The following PUM1 variants were observed in gnomAD, a reference collection of about 807,000 sequenced individuals.
PUM1 encodes the protein pumilio RNA binding family member 1, also known as pumilio homolog 1.
PUM1 carries 13 observed loss-of-function variants against 131.8 expected under a neutral mutation model. The observed-to-expected ratio is 0.10, with a 90% CI of 0.06 to 0.16. The LOEUF (loss-of-function observed/expected upper bound fraction) is 0.16. Among genes scored for constraint, PUM1 ranks in the 10% least tolerant of loss-of-function variants. PUM1 has a pLI of 1.00. For missense variants in PUM1, 961 were observed against 1,512.4 expected (o/e 0.64, Z 6.05); for synonymous variants, 509 against 556.5 (o/e 0.91, Z 1.20).
chr1:31,062,159 C>T (rs762501405), intron 1 of PUM1, among the ~76,000 whole-genome samples: 5 of 152,210 alleles, frequency 3.3e-5, no homozygotes, highest in South Asian at 2.1e-4. Flanking sequence ...TTTCTACTAA[C>T]CCCTTGCAGG....
chr1:31,048,487 T>G (rs1644025399), intron 2 of PUM1, among the ~76,000 whole-genome samples: 1 of 151,278 alleles, frequency 6.6e-6, no homozygotes, highest in East Asian at 2.0e-4. Flanking sequence ...TTTTTATTTT[T>G]TTTTTGAGAT....
chr1:31,054,696 ACTTTAC>A, intron 2 of PUM1, among the ~76,000 whole-genome samples: 1 of 152,186 alleles, frequency 6.6e-6, no homozygotes, highest in South Asian at 2.1e-4. Flanking sequence ...AGAAAAATGG[ACTTTAC>A]CATTACTGCT....
Position 30,966,608 on chromosome 1 carries a change from T to A in PUM1, c.1790-330A>T, listed in dbSNP as rs549434235. On this transcript the variant is annotated intron_variant, in intron 12 of 21. Coordinates refer to ENST00000426105, the MANE Select transcript of PUM1 (RefSeq NM_001020658.2). ...TTCCATAAATATCTATGTTGAGGGT[T>A]TCTTCTAGAACCATGTAATGCACAT... is the stretch of plus-strand genomic sequence containing the variant. 5.9e-5 allele frequency among the ~76,000 whole-genome samples: 9 copies of A among 152,360 alleles called. No individual in the cohort carries two copies. In the East Asian group the frequency reaches 1.3e-3, roughly 23 times the overall value.
intron 2 of PUM1, among the ~76,000 whole-genome samples, chr1:31,042,031 C>T (rs1643834363): frequency 6.6e-6 from 1 of 151,924 alleles, no homozygotes. Flanking sequence ...TAGGCCAGGC[C>T]CAGTGGCTCA....
At chr1:30,974,895 G>A in intron 9 of PUM1, 93 bp from the exon 10 acceptor site, 5 of 917,526 alleles carry the variant, frequency 5.4e-6, no homozygotes, top group Non-Finnish European at 8.1e-6. Flanking sequence ...AGATCCTACT[G>A]TAAAATATTA....
At chr1:31,058,690 C>G (rs979472471) in intron 2 of PUM1, among the ~76,000 whole-genome samples, 1 of 145,074 alleles carries the variant, frequency 6.9e-6, no homozygotes, top group African/African-American at 2.6e-5. Flanking sequence ...ATTCTATAGG[C>G]CGGGCGTGGG....
chr1:30,953,378 C>T (rs78454766), intron 15 of PUM1, among the ~76,000 whole-genome samples: 310 of 152,292 alleles, frequency 2.0e-3, no homozygotes, highest in Non-Finnish European at 2.6e-3. Context: ...TTTCTTCTCT[C>T]GTCTCTACAT....
At chr1:30,961,954 G>A (rs1343227895) in intron 14 of PUM1, among the ~76,000 whole-genome samples, 5 of 152,102 alleles carry the variant, frequency 3.3e-5, no homozygotes, top group Non-Finnish European at 7.4e-5. Context: ...ATTAGGTGTG[G>A]GCCAGAAAGA....
chr1:31,055,427 C>G (rs1019247295), intron 2 of PUM1: 2 of 456,116 alleles, frequency 4.4e-6, no homozygotes, highest in African/African-American at 4.0e-5. Flanking sequence ...TAGAATAGTT[C>G]AGTCCAGAAG....
intron 10 of PUM1, among the ~76,000 whole-genome samples, chr1:30,974,441 C>T (rs941325033): frequency 3.5e-4 from 54 of 152,290 alleles, no homozygotes; most frequent in African/African-American, 1.2e-3. Context: ...TGGTTAGTAT[C>T]GTTACCCCAC....
chr1:31,009,183 CAA>C (rs946077936), intron 3 of PUM1, among the ~76,000 whole-genome samples: 10 of 131,276 alleles, frequency 7.6e-5, no homozygotes, highest in Admixed American at 7.7e-5. Context: ...ACTCCATCTT[CAA>C]AAAAAAAAAA....
intron 2 of PUM1, among the ~76,000 whole-genome samples, 171 bp from the exon 3 acceptor site, chr1:31,029,035 G>C (rs1643321192): frequency 6.6e-6 from 1 of 151,986 alleles, no homozygotes. Context: ...TAACCATCAG[G>C]GTTCAGCAAT....
At chr1:31,043,364 C>T (rs576141281) in intron 2 of PUM1, among the ~76,000 whole-genome samples, 19 of 151,652 alleles carry the variant, frequency 1.3e-4, no homozygotes, top group Middle Eastern at 3.4e-3. Flanking sequence ...CCATCATGTC[C>T]GGCTAATTTT....
Position 30,938,896 on chromosome 1 carries a change from TAGATAGATAGACAGACAGACAGAC to T in PUM1, c.3243-2085_3243-2062del, listed in dbSNP as rs1378955402. Among the ~76,000 whole-genome samples, 55 of 110,298 alleles carry T rather than the reference TAGATAGATAGACAGACAGACAGAC, an allele frequency of 5.0e-4. 1 individual carries two copies. Among genetic ancestry groups the T allele is most frequent in the Middle Eastern group, 4.7e-3 (1 of 212 alleles). The allele number at this position is 110,298 out of a possible 152,430, so 72.4% of individuals were successfully genotyped here. ...AGATAGAGATAGATAGATAGATAGATAGATAGATAGACAGACAGACAGACAGACAGACAGACAGACAGACAGACA... is the reference window on the plus strand; with the variant it reads ...AGATAGAGATAGATAGATAGATAGATAGACAGACAGACAGACAGACAGACA... On this transcript the variant is annotated intron_variant, in intron 20 of 21. Coordinates refer to ENST00000426105, the MANE Select transcript of PUM1 (RefSeq NM_001020658.2).
At chr1:30,941,912 T>C in intron 19 of PUM1, 86 bp downstream of exon 19, 3 of 1,323,696 alleles carry the variant, frequency 2.3e-6, no homozygotes, top group Non-Finnish European at 2.1e-6. Flanking sequence ...TAACCTCTTC[T>C]GGAACCTACA....
chr1:30,984,773 G>C (rs1184584664), intron 7 of PUM1, among the ~76,000 whole-genome samples: 2 of 152,114 alleles, frequency 1.3e-5, no homozygotes, highest in East Asian at 1.9e-4. Flanking sequence ...CATGTAGTTG[G>C]CATCTTATAA....
chr1:30,966,371 CT>C (rs1174694538), intron 12 of PUM1, 93 bp from the exon 13 acceptor site: 43 of 1,257,896 alleles, frequency 3.4e-5, no homozygotes, highest in Non-Finnish European at 4.6e-5. Flanking sequence ...TCTTTTAATG[CT>C]GCCTATCTTT....
intron 3 of PUM1, among the ~76,000 whole-genome samples, chr1:31,012,852 T>A (rs1642674203): frequency 6.6e-6 from 1 of 152,212 alleles, no homozygotes; most frequent in South Asian, 2.1e-4. Context: ...TTAAGAACAG[T>A]GATAAAGACC....
chr1:30,999,813 G>A (rs1311998719), intron 5 of PUM1, among the ~76,000 whole-genome samples: 2 of 152,110 alleles, frequency 1.3e-5, no homozygotes, highest in Non-Finnish European at 2.9e-5. Context: ...TTACACAAAT[G>A]TAATATAATA....
Sources: gnomAD v4.1 joint callset for allele counts (sites outside exome capture counted in the v4.1 genomes callset) on GRCh38, gnomAD v4.1.1 for gene constraint, MANE v1.5 for transcripts, NCBI Gene and HGNC (gene_info 2026-07-23, HGNC 2026-07-21) for gene names.